The following MAF variants were observed in gnomAD, a reference collection of about 807,000 sequenced individuals.
The protein encoded by MAF is transcription factor Maf.
In MAF, 10 loss-of-function variants were observed where a neutral mutation model predicts 22.0. The observed-to-expected ratio is 0.45, with a 90% CI of 0.28 to 0.77. The LOEUF is 0.77. MAF is among the 30% of genes least tolerant of loss of function. The pLI is 0.12. For missense variants in MAF, 544 were observed against 548.4 expected (o/e 0.99, Z 0.08); for synonymous variants, 337 against 255.8 (o/e 1.32, Z -3.03).
At chr16:79,513,987 C>CA in the MAF span, among the ~76,000 whole-genome samples, 1 of 152,260 alleles carries the variant, frequency 6.6e-6, no homozygotes, top group African/African-American at 2.4e-5. Context: ...ACCTTCCCCC[C>CA]ACCCTTCCCC....
At chr16:79,598,579 G>GT (rs1491120604) in intron 1 of MAF, 178 of 1,327,110 alleles carry the variant, frequency 1.3e-4, no homozygotes, top group Middle Eastern at 1.1e-3. Flanking sequence ...AGCAGGGTGT[G>GT]GGGTGTGTGT....
chr16:79,598,204 A>G, intron 1 of MAF: 1 of 1,054,030 alleles, frequency 9.5e-7, no homozygotes, highest in Non-Finnish European at 1.1e-6. Context: ...TGGGTTGAGA[A>G]GGAGTGAGGG....
At chr16:79,255,263 A>C in the MAF span, among the ~76,000 whole-genome samples, 1 of 152,210 alleles carries the variant, frequency 6.6e-6, no homozygotes, top group Non-Finnish European at 1.5e-5. Context: ...TTTTCTGTGA[A>C]ATCACATCCA....
At chr16:79,228,808 C>T in the MAF span, among the ~76,000 whole-genome samples, 1 of 151,862 alleles carries the variant, frequency 6.6e-6, no homozygotes, top group African/African-American at 2.4e-5. Context: ...GGGGGAGGTC[C>T]GCTCAGGGTT....
chr16:79,249,122 T>G, the MAF span, among the ~76,000 whole-genome samples: 1 of 151,968 alleles, frequency 6.6e-6, no homozygotes, highest in Admixed American at 6.6e-5. Flanking sequence ...ATTAGTGCCT[T>G]TATAAAAGAA....
chr16:79,301,305 C>T, the MAF span, among the ~76,000 whole-genome samples: 3 of 152,230 alleles, frequency 2.0e-5, no homozygotes, highest in South Asian at 6.3e-4. Context: ...GGTGAGGCCA[C>T]TCCTGGACAC....
At chr16:79,504,249 G>A in the MAF span, among the ~76,000 whole-genome samples, 5,864 of 152,194 alleles carry the variant, frequency 0.039, 363 homozygotes, top group African/African-American at 0.13. Context: ...ATGCCTAATA[G>A]GAGTCATCCA....
the MAF span, among the ~76,000 whole-genome samples, chr16:79,268,498 G>A: frequency 2.8e-4 from 42 of 152,264 alleles, no homozygotes; most frequent in African/African-American, 3.9e-4. Context: ...AGGCTGGAAC[G>A]TAATATAGGT....
At position 79,596,285 on chromosome 16, in the gene MAF, C is replaced by T. The variant is rs1489296177; in HGVS notation, c.1119-1732G>A. 1.4e-5 allele frequency: 15 copies of T among 1,059,686 alleles called. No individual in the cohort carries two copies. In the African/African-American group the frequency reaches 1.8e-4, roughly 13 times the overall value. 65.6% of individuals were successfully genotyped at this position (1,059,686 alleles called of 1,614,324 possible). On this transcript the variant is annotated intron_variant, in intron 1 of 1. Coordinates refer to ENST00000326043, the MANE Select transcript of MAF (RefSeq NM_005360.5). Reference sequence around the variant, plus strand: ...GAGAAAAAAATGAGGTCATAATTTACATCTATATTAAATATTGCTAATCAG... The same window carrying T: ...GAGAAAAAAATGAGGTCATAATTTATATCTATATTAAATATTGCTAATCAG...
the MAF span, among the ~76,000 whole-genome samples, chr16:79,296,586 T>C: frequency 6.6e-6 from 1 of 152,160 alleles, no homozygotes; most frequent in East Asian, 1.9e-4. Context: ...GGCAGCTTCC[T>C]AGTTACAGTA....
At chr16:79,233,759 C>T in the MAF span, among the ~76,000 whole-genome samples, 7 of 151,836 alleles carry the variant, frequency 4.6e-5, no homozygotes, top group South Asian at 2.1e-4. Flanking sequence ...TTTGGGAGGC[C>T]GAGGCAAGCG....
the MAF span, among the ~76,000 whole-genome samples, chr16:79,550,556 T>C: frequency 6.6e-6 from 1 of 152,262 alleles, no homozygotes; most frequent in East Asian, 1.9e-4. Flanking sequence ...AGAAGCTAGC[T>C]GAGCATTGTC....
At chr16:79,564,631 C>T in the MAF span, among the ~76,000 whole-genome samples, 1 of 152,190 alleles carries the variant, frequency 6.6e-6, no homozygotes, top group Non-Finnish European at 1.5e-5. Flanking sequence ...CCTGTGGCAG[C>T]CCACAGTGGT....
At chr16:79,551,444 T>C in the MAF span, among the ~76,000 whole-genome samples, 1 of 152,224 alleles carries the variant, frequency 6.6e-6, no homozygotes, top group African/African-American at 2.4e-5. Flanking sequence ...ATAACCAAGC[T>C]TGAGTCCCAC....
At chr16:79,562,147 C>G in the MAF span, among the ~76,000 whole-genome samples, 1 of 152,166 alleles carries the variant, frequency 6.6e-6, no homozygotes, top group African/African-American at 2.4e-5. Flanking sequence ...CTGCTCATCC[C>G]TAAATATTCA....
chr16:79,558,832 TA>T, the MAF span, among the ~76,000 whole-genome samples: 1 of 152,224 alleles, frequency 6.6e-6, no homozygotes, highest in Admixed American at 6.5e-5. Flanking sequence ...CATTTGATTA[TA>T]ATAGGGGCTC....
the MAF span, among the ~76,000 whole-genome samples, chr16:79,309,349 G>C: frequency 6.6e-6 from 1 of 152,116 alleles, no homozygotes; most frequent in Non-Finnish European, 1.5e-5. Flanking sequence ...TTACCATTTT[G>C]TCGGGTTTGC....
the MAF span, among the ~76,000 whole-genome samples, chr16:79,382,666 C>A: frequency 1.3e-5 from 2 of 152,038 alleles, no homozygotes; most frequent in East Asian, 3.9e-4. Flanking sequence ...GTTTTCTCCA[C>A]CTCCAAACAC....
chr16:79,287,027 G>C, the MAF span, among the ~76,000 whole-genome samples: 1 of 152,054 alleles, frequency 6.6e-6, no homozygotes, highest in Admixed American at 6.6e-5. Flanking sequence ...TTCGCGTTAT[G>C]TCAGCAGGCT....
Sources: allele counts gnomAD v4.1 joint callset (sites outside exome capture counted in the v4.1 genomes callset), GRCh38; gene constraint gnomAD v4.1.1; transcripts MANE v1.5; gene names NCBI Gene and HGNC (gene_info 2026-07-23, HGNC 2026-07-21).